Variants in KCNQ1 observed in about 807,000 individuals in gnomAD.
The protein encoded by KCNQ1 is potassium voltage-gated channel subfamily KQT member 1.
In KCNQ1, 49 loss-of-function variants were observed where a neutral mutation model predicts 72.4. That is an observed-to-expected ratio of 0.68 (90% CI 0.54 to 0.86). The LOEUF is 0.86. KCNQ1 is among the 40% of genes least tolerant of loss of function. KCNQ1 has a pLI of 0.00. For missense variants in KCNQ1, 790 were observed against 945.1 expected (o/e 0.84, Z 2.15); for synonymous variants, 450 against 412.6 (o/e 1.09, Z -1.10).
rs937040259 is a variant in KCNQ1, at chr11:2,670,570, T to C, written c.1514+8489T>C. ...GGGACTTGCCAGTATCACTGGGAGA[T>C]AGGAGCAGAAGCCAGGGCTCATTCC... On this transcript the variant is annotated intron_variant, in intron 11 of 15. Transcript: ENST00000155840. The surrounding 1 kb of genome is among the most constrained non-coding windows in gnomAD (Gnocchi z 4.9). The C allele has an allele frequency of 1.5e-5, 6 of 397,464 alleles. No homozygotes were observed. The highest frequency in any genetic ancestry group is 8.3e-5 in the African/African-American group (4 of 48,214). The allele number at this position is 397,464 out of a possible 1,614,324, so 24.6% of individuals were successfully genotyped here.
intron 10 of KCNQ1, among the ~76,000 whole-genome samples, chr11:2,607,715 C>A (rs773534297): frequency 6.6e-6 from 1 of 152,172 alleles, no homozygotes; most frequent in Non-Finnish European, 1.5e-5. Flanking sequence ...TGACAGAAAT[C>A]GTGGTGTTTT....
chr11:2,469,369 G>T (rs1441527584), intron 1 of KCNQ1, among the ~76,000 whole-genome samples: 2 of 151,892 alleles, frequency 1.3e-5, no homozygotes, highest in Non-Finnish European at 2.9e-5. Context: ...TGCCTCCCGG[G>T]TTCAAGTGAT....
chr11:2,541,656 C>T lies in KCNQ1; in HGVS notation c.477+13638C>T, dbSNP rs992796351. 1.3e-5 allele frequency among the ~76,000 whole-genome samples: 2 copies of T among 151,886 alleles called. No homozygotes were observed. The highest frequency in any genetic ancestry group is 4.8e-5 in the African/African-American group (2 of 41,360). On this transcript the variant is annotated intron_variant, in intron 2 of 15. Coordinates refer to ENST00000155840, the MANE Select transcript of KCNQ1 (RefSeq NM_000218.3). This position sits in a 1 kb window ranked among gnomAD's most constrained non-coding sequence, Gnocchi z 4.8. ...ATACTCTGAACGTTCCCAGAAAGCC[C>T]CCTTCTGCTCAAGTTCTCTTGCTTC... is the stretch of plus-strand genomic sequence containing the variant.
At position 2,654,331 on chromosome 11, in the gene KCNQ1, C is replaced by G. The variant is rs1849803398; in HGVS notation, c.1394-7630C>G. 2 of 398,756 alleles carry G rather than the reference C, an allele frequency of 5.0e-6. No individual in the cohort carries two copies. The highest frequency in any genetic ancestry group is 8.8e-6 in the Non-Finnish European group (2 of 226,262). 24.7% of individuals were successfully genotyped at this position (398,756 alleles called of 1,614,324 possible). A position where few individuals can be genotyped will look rare whatever the true frequency, so the allele number is the denominator to read the frequency against. On this transcript the variant is annotated intron_variant, in intron 10 of 15. Coordinates refer to ENST00000155840, the MANE Select transcript of KCNQ1 (RefSeq NM_000218.3). This position sits in a 1 kb window ranked among gnomAD's most constrained non-coding sequence, Gnocchi z 6.4. ...CTTGAGGGGGCCAGGGAGGGGGCTT[C>G]TACTTGCAAAGGATAGGGAGAGCTT... is the stretch of plus-strand genomic sequence containing the variant.
Position 2,612,793 on chromosome 11 carries a change from C to T in KCNQ1, c.1393+23939C>T. On this transcript the variant is annotated intron_variant, in intron 10 of 15. Coordinates refer to ENST00000155840, the MANE Select transcript of KCNQ1 (RefSeq NM_000218.3). The surrounding 1 kb of genome is among the most constrained non-coding windows in gnomAD (Gnocchi z 5.5). ...GTTCAAGGGTCACAATTTTCTGTTT[C>T]TTTGCATATCTCATTTTTTTTGTTA... 2.5e-6 allele frequency: 1 copy of T among 398,482 alleles called. No individual in the cohort carries two copies. Among genetic ancestry groups the T allele is most frequent in the East Asian group, 3.6e-5 (1 of 28,058 alleles). 24.7% of individuals were successfully genotyped at this position (398,482 alleles called of 1,614,324 possible).
rs1849682605 is a variant in KCNQ1, at chr11:2,647,385, G to T, written c.1394-14576G>T. 3 of 398,432 alleles carry T rather than the reference G, an allele frequency of 7.5e-6. No homozygotes were observed. Among genetic ancestry groups the T allele is most frequent in the South Asian group, 2.5e-4 (2 of 7,860 alleles). 24.7% of individuals were successfully genotyped at this position (398,432 alleles called of 1,614,324 possible). A position where few individuals can be genotyped will look rare whatever the true frequency, so the allele number is the denominator to read the frequency against. On this transcript the variant is annotated intron_variant, in intron 10 of 15. Transcript: ENST00000155840. The surrounding 1 kb of genome is among the most constrained non-coding windows in gnomAD (Gnocchi z 4.0). ...GATTGGATTCAGATTGCTAGTTTGT[G>T]TGTCTGTGTGTGTGTTTTGTTTCTG...
In KCNQ1 at chr11:2,668,819, T is replaced by C; in HGVS notation, c.1514+6738T>C. On this transcript the variant is annotated intron_variant, in intron 11 of 15. Transcript: ENST00000155840. The surrounding 1 kb of genome is among the most constrained non-coding windows in gnomAD (Gnocchi z 4.3). The stretch of plus-strand genomic sequence containing the variant: ...CTTAATTTTCATGTGGTCCAGTTAA[T>C]CAAACATTTCCTCTCTGGATAGGGC... The C allele has an allele frequency of 2.5e-6, 1 of 398,672 alleles. No homozygotes were observed. The highest frequency in any genetic ancestry group is 4.4e-6 in the Non-Finnish European group (1 of 226,072). 24.7% of individuals were successfully genotyped at this position (398,672 alleles called of 1,614,324 possible). A position where few individuals can be genotyped will look rare whatever the true frequency, so the allele number is the denominator to read the frequency against.
rs1846205097 is a variant in KCNQ1, at chr11:2,750,155, C to A, written c.1515-18689C>A. Among the ~76,000 whole-genome samples the A allele has an allele frequency of 6.6e-6, 1 of 152,224 alleles. No individual in the cohort carries two copies. The highest frequency in any genetic ancestry group is 2.1e-4 in the South Asian group (1 of 4,826). Reference sequence around the variant, plus strand: ...CCCCACCTGAGTGAGGCACTGTGGGCCCAGAGTCCAGGTCAGCGCCAGGGG... The same window carrying A: ...CCCCACCTGAGTGAGGCACTGTGGGACCAGAGTCCAGGTCAGCGCCAGGGG... On this transcript the variant is annotated intron_variant, in intron 11 of 15. Transcript: ENST00000155840. The surrounding 1 kb of genome is among the most constrained non-coding windows in gnomAD (Gnocchi z 6.3).
rs1215025091 is a variant in KCNQ1, at chr11:2,824,994, C to T, written c.1795-22773C>T. On this transcript the variant is annotated intron_variant, in intron 15 of 15. Transcript: ENST00000155840. This position sits in a 1 kb window ranked among gnomAD's most constrained non-coding sequence, Gnocchi z 5.9. ...AGGCCGGGTGTGGATGGAAGCTGTA[C>T]GATGGGGCCTGGGCCAGGGATTGTG... is the stretch of plus-strand genomic sequence containing the variant. Among the ~76,000 whole-genome samples the T allele has an allele frequency of 2.0e-5, 3 of 152,196 alleles. No homozygotes were observed. The highest frequency in any genetic ancestry group is 1.9e-4 in the East Asian group (1 of 5,192).
chr11:2,654,270 C>T lies in KCNQ1; in HGVS notation c.1394-7691C>T. On this transcript the variant is annotated intron_variant, in intron 10 of 15. Transcript: ENST00000155840. The surrounding 1 kb of genome is among the most constrained non-coding windows in gnomAD (Gnocchi z 6.4). ...CTTCTCCTTCACAGTGCAGGATCCGCAGGGCTTTGGTGAATCCACTGAGAG... is the reference window on the plus strand; with the variant it reads ...CTTCTCCTTCACAGTGCAGGATCCGTAGGGCTTTGGTGAATCCACTGAGAG... 1 of 398,560 alleles carries T rather than the reference C, an allele frequency of 2.5e-6. No individual in the cohort carries two copies. Among genetic ancestry groups the T allele is most frequent in the Non-Finnish European group, 4.4e-6 (1 of 226,230 alleles). The allele number at this position is 398,560 out of a possible 1,614,324, so 24.7% of individuals were successfully genotyped here. A position where few individuals can be genotyped will look rare whatever the true frequency, so the allele number is the denominator to read the frequency against.
At position 2,611,150 on chromosome 11, in the gene KCNQ1, A is replaced by G. The variant is rs1203592266; in HGVS notation, c.1393+22296A>G. On this transcript the variant is annotated intron_variant, in intron 10 of 15. Transcript: ENST00000155840. The surrounding 1 kb of genome is among the most constrained non-coding windows in gnomAD (Gnocchi z 5.3). ...TTCCTGTTAAATTTTCCCTTTTGTCATTGTAAAATGCTTCTCAGTATCTCT... is the reference window on the plus strand; with the variant it reads ...TTCCTGTTAAATTTTCCCTTTTGTCGTTGTAAAATGCTTCTCAGTATCTCT... 2.5e-6 allele frequency: 1 copy of G among 398,076 alleles called. No individual in the cohort carries two copies. Among genetic ancestry groups the G allele is most frequent in the Middle Eastern group, 6.3e-4 (1 of 1,586 alleles). 24.7% of individuals were successfully genotyped at this position (398,076 alleles called of 1,614,324 possible). A position where few individuals can be genotyped will look rare whatever the true frequency, so the allele number is the denominator to read the frequency against.
intron 11 of KCNQ1, among the ~76,000 whole-genome samples, chr11:2,719,272 C>T (rs751371774): frequency 2.1e-5 from 3 of 145,710 alleles, no homozygotes; most frequent in Non-Finnish European, 3.0e-5. Flanking sequence ...AGTCCCAGCA[C>T]TTTGGGAGGC....
At position 2,720,518 on chromosome 11, in the gene KCNQ1, C is replaced by A. The variant is rs914845175; in HGVS notation, c.1515-48326C>A. On this transcript the variant is annotated intron_variant, in intron 11 of 15. Coordinates refer to ENST00000155840, the MANE Select transcript of KCNQ1 (RefSeq NM_000218.3). The surrounding 1 kb of genome is among the most constrained non-coding windows in gnomAD (Gnocchi z 5.1). Reference sequence around the variant, plus strand: ...CCTCTCTCTGTAAGGGGAGAGGGACCCAGGGCTGACCAGAGCAAGCAGTGT... The same window carrying A: ...CCTCTCTCTGTAAGGGGAGAGGGACACAGGGCTGACCAGAGCAAGCAGTGT... 6.6e-6 allele frequency among the ~76,000 whole-genome samples: 1 copy of A among 152,130 alleles called. No individual in the cohort carries two copies. Among genetic ancestry groups the A allele is most frequent in the Non-Finnish European group, 1.5e-5 (1 of 68,014 alleles).
In KCNQ1 at chr11:2,620,943, G is replaced by GTT. The variant is rs1188209867; in HGVS notation, c.1393+32092_1393+32093dup. The GTT allele has an allele frequency of 2.0e-5, 6 of 306,682 alleles. No homozygotes were observed. The highest frequency in any genetic ancestry group is 6.9e-4 in the Middle Eastern group (1 of 1,442). The allele number at this position is 306,682 out of a possible 1,614,324, so 19.0% of individuals were successfully genotyped here. On this transcript the variant is annotated intron_variant, in intron 10 of 15. Transcript: ENST00000155840. This position sits in a 1 kb window ranked among gnomAD's most constrained non-coding sequence, Gnocchi z 4.5. Reference sequence around the variant, plus strand: ...GGTGTTTTTTTGTTGTTGTTGTTTTGTTTTGTTTTTTTTTGTCTGTTTTTT... The same window carrying GTT: ...GGTGTTTTTTTGTTGTTGTTGTTTTGTTTTTTGTTTTTTTTTGTCTGTTTTTT...
chr11:2,451,970 AC>A lies in KCNQ1; in HGVS notation c.386+6487del, dbSNP rs751414664. Among the ~76,000 whole-genome samples the A allele has an allele frequency of 7.9e-5, 12 of 151,904 alleles. No individual in the cohort carries two copies. The highest frequency in any genetic ancestry group is 4.2e-4 in the South Asian group (2 of 4,808). ...CCAGTTTGTATCCATGGGCACCCCC[AC>A]TCCCACCTAGCACTTGCCACCAGGA... On this transcript the variant is annotated intron_variant, in intron 1 of 15. Transcript: ENST00000155840. This position sits in a 1 kb window ranked among gnomAD's most constrained non-coding sequence, Gnocchi z 6.4.
In KCNQ1 at chr11:2,537,413, G is replaced by A. The variant is rs187242949; in HGVS notation, c.477+9395G>A. Among the ~76,000 whole-genome samples, 393 of 152,222 alleles carry A rather than the reference G, an allele frequency of 2.6e-3. 10 individuals are homozygous for A. The highest frequency in any genetic ancestry group is 0.021 in the Admixed American group (318 of 15,298). ...GCTAGGGGCATTTAAACTTGCAGTC[G>A]AATTAGTAACAATTTTATTTTTTGG... On this transcript the variant is annotated intron_variant, in intron 2 of 15. Coordinates refer to ENST00000155840, the MANE Select transcript of KCNQ1 (RefSeq NM_000218.3). The surrounding 1 kb of genome is among the most constrained non-coding windows in gnomAD (Gnocchi z 5.2).
chr11:2,704,007 T>C lies in KCNQ1; in HGVS notation c.1514+41926T>C, dbSNP rs1188163656. On this transcript the variant is annotated intron_variant, in intron 11 of 15. Transcript: ENST00000155840. This position sits in a 1 kb window ranked among gnomAD's most constrained non-coding sequence, Gnocchi z 4.3. ...GGGGGTGGTTAGGACCTCAGGGTTA[T>C]CCCTGAGTGGCTGATGCATTGCCAG... Among the ~76,000 whole-genome samples the C allele has an allele frequency of 6.6e-6, 1 of 152,202 alleles. No homozygotes were observed. The highest frequency in any genetic ancestry group is 2.4e-5 in the African/African-American group (1 of 41,456).
In KCNQ1 at chr11:2,762,950, T is replaced by C. The variant is rs1436336510; in HGVS notation, c.1515-5894T>C. Among the ~76,000 whole-genome samples the C allele has an allele frequency of 6.6e-6, 1 of 152,214 alleles. No individual in the cohort carries two copies. The highest frequency in any genetic ancestry group is 1.5e-5 in the Non-Finnish European group (1 of 68,040). ...CTCTTAATCAAGCCCTGTGGCCTCA[T>C]GAAACCCTAGGAGTGTCAGACCTCT... On this transcript the variant is annotated intron_variant, in intron 11 of 15. Coordinates refer to ENST00000155840, the MANE Select transcript of KCNQ1 (RefSeq NM_000218.3). This position sits in a 1 kb window ranked among gnomAD's most constrained non-coding sequence, Gnocchi z 4.3.
chr11:2,745,953 G>A lies in KCNQ1; in HGVS notation c.1515-22891G>A, dbSNP rs573318258. ...CACCCAGGCTGGAGTGCAGTGGTGCGATCTCGGCTCACTGCAAACTCCACC... is the reference window on the plus strand; with the variant it reads ...CACCCAGGCTGGAGTGCAGTGGTGCAATCTCGGCTCACTGCAAACTCCACC... On this transcript the variant is annotated intron_variant, in intron 11 of 15. Coordinates refer to ENST00000155840, the MANE Select transcript of KCNQ1 (RefSeq NM_000218.3). This position sits in a 1 kb window ranked among gnomAD's most constrained non-coding sequence, Gnocchi z 6.2. 2.5e-4 allele frequency among the ~76,000 whole-genome samples: 38 copies of A among 152,272 alleles called. No homozygotes were observed. Among genetic ancestry groups the A allele is most frequent in the Non-Finnish European group, 4.7e-4 (32 of 68,020 alleles).
Sources: allele counts gnomAD v4.1 joint callset (sites outside exome capture counted in the v4.1 genomes callset), GRCh38; gene constraint gnomAD v4.1.1; non-coding constraint Gnocchi (gnomAD v3.1); transcripts MANE v1.5; gene names NCBI Gene and HGNC (gene_info 2026-07-23, HGNC 2026-07-21).